The following LHFPL3 variants were observed in gnomAD, a reference collection of about 807,000 sequenced individuals.
The protein encoded by LHFPL3 is LHFPL tetraspan subfamily member 3.
Under a neutral mutation model 19.3 loss-of-function variants are expected in LHFPL3, and 5 were observed. The observed-to-expected ratio is 0.26, with a 90% confidence interval of 0.14 to 0.54. The LOEUF (loss-of-function observed/expected upper bound fraction) is 0.54, where lower values mean the gene tolerates loss of function less well. Among genes scored for constraint, LHFPL3 ranks in the 20% least tolerant of loss-of-function variants. The pLI is 0.94. For synonymous variants in LHFPL3, 133 were observed against 126.2 expected, an observed-to-expected ratio of 1.05 and a Z score of -0.36; for missense variants, 249 against 307.4, an observed-to-expected ratio of 0.81 and a Z score of 1.42.
Position 104,603,066 on chromosome 7 carries a change from T to TTTTCTTTCTTTCTTTC in LHFPL3, c.446-133557_446-133542dup, listed in dbSNP as rs373564018. Among the ~76,000 whole-genome samples, 55 of 108,932 alleles carry TTTTCTTTCTTTCTTTC rather than the reference T, an allele frequency of 5.0e-4. 1 individual carries two copies. The highest frequency in any genetic ancestry group is 1.2e-3 in the African/African-American group (33 of 27,860). The allele number at this position is 108,932 out of a possible 152,430, so 71.5% of individuals were successfully genotyped here. A position where few individuals can be genotyped will look rare whatever the true frequency, so the allele number is the denominator to read the frequency against. On this transcript the variant is annotated intron_variant, in intron 1 of 2. Coordinates refer to ENST00000424859, the MANE Select transcript of LHFPL3 (RefSeq NM_199000.3). The stretch of plus-strand genomic sequence containing the variant: ...AGTTTTCTTTTTTTTCTTTCTTTCT[T>TTTTCTTTCTTTCTTTC]TTTCTTTCTTTCTTTCTTTCTTTCT...
At chr7:104,803,676 C>G (rs539014379) in intron 2 of LHFPL3, 4 of 152,204 alleles carry the variant, frequency 2.6e-5, no homozygotes, top group Non-Finnish European at 4.4e-5. Context: ...GTTCCCTTAC[C>G]CTCCTGAGTA....
chr7:104,831,023 T>C (rs1047240810), intron 2 of LHFPL3, among the ~76,000 whole-genome samples: 1 of 151,896 alleles, frequency 6.6e-6, no homozygotes, highest in Non-Finnish European at 1.5e-5. Flanking sequence ...AACAATGACA[T>C]GGTGACTCTT....
At chr7:104,453,926 G>C (rs1487830490) in intron 1 of LHFPL3, among the ~76,000 whole-genome samples, 1 of 152,164 alleles carries the variant, frequency 6.6e-6, no homozygotes, top group Non-Finnish European at 1.5e-5. Context: ...CAGAGCAGAT[G>C]CCAGCACTGT....
intron 1 of LHFPL3, among the ~76,000 whole-genome samples, chr7:104,537,952 G>A (rs538829716): frequency 1.2e-4 from 18 of 152,206 alleles, no homozygotes; most frequent in African/African-American, 4.1e-4. Flanking sequence ...CCACCTCAAC[G>A]GGCTATACAG....
In LHFPL3 at chr7:104,704,428, A is replaced by C. The variant is rs1240074904; in HGVS notation, c.446-32247A>C. Among the ~76,000 whole-genome samples, 9 of 152,152 alleles carry C rather than the reference A, an allele frequency of 5.9e-5. 1 individual carries two copies. Among genetic ancestry groups the C allele is most frequent in the African/African-American group, 2.2e-4 (9 of 41,492 alleles). On this transcript the variant is annotated intron_variant, in intron 1 of 2. Transcript: ENST00000424859. ...AGTATTCATTCAGTTTTAACCATAC[A>C]TTTTACAGGATTTATTGTTTATGAG... is the stretch of plus-strand genomic sequence containing the variant.
chr7:104,400,141 A>G (rs1297979566), intron 1 of LHFPL3, among the ~76,000 whole-genome samples: 3 of 129,596 alleles, frequency 2.3e-5, no homozygotes. Flanking sequence ...AAAAAAAAAA[A>G]AAAAAAGACT....
chr7:104,390,977 G>A (rs1277920114), intron 1 of LHFPL3, among the ~76,000 whole-genome samples: 1 of 152,208 alleles, frequency 6.6e-6, no homozygotes, highest in Non-Finnish European at 1.5e-5. Context: ...CTGCATAAAT[G>A]TCTTCTTTTG....
intron 2 of LHFPL3, among the ~76,000 whole-genome samples, chr7:104,754,954 A>G (rs1794254666): frequency 6.6e-6 from 1 of 152,164 alleles, no homozygotes; most frequent in African/African-American, 2.4e-5. Context: ...AGTGCGGTTC[A>G]TCTAAGGAGT....
intron 2 of LHFPL3, among the ~76,000 whole-genome samples, chr7:104,776,485 C>G (rs1794638549): frequency 6.6e-6 from 1 of 152,202 alleles, no homozygotes; most frequent in African/African-American, 2.4e-5. Flanking sequence ...ACCAGTGGTT[C>G]TCACATCAGA....
At chr7:104,446,922 G>A (rs963848908) in intron 1 of LHFPL3, among the ~76,000 whole-genome samples, 1 of 152,062 alleles carries the variant, frequency 6.6e-6, no homozygotes, top group African/African-American at 2.4e-5. Flanking sequence ...TTGTTTTTTA[G>A]ATTTTATCAC....
At chr7:104,766,256 G>T (rs1320767439) in intron 2 of LHFPL3, among the ~76,000 whole-genome samples, 1 of 152,140 alleles carries the variant, frequency 6.6e-6, no homozygotes, top group Admixed American at 6.5e-5. Context: ...AAACTAAATC[G>T]TATTGACTTG....
At chr7:104,370,171 A>G (rs1226219048) in intron 1 of LHFPL3, among the ~76,000 whole-genome samples, 1 of 152,158 alleles carries the variant, frequency 6.6e-6, no homozygotes, top group Non-Finnish European at 1.5e-5. Context: ...AAGCTTGGAG[A>G]AGGAACTAAA....
chr7:104,599,186 AG>A (rs1242086729), intron 1 of LHFPL3, among the ~76,000 whole-genome samples: 1 of 152,226 alleles, frequency 6.6e-6, no homozygotes, highest in African/African-American at 2.4e-5. Flanking sequence ...GTTTGAAATT[AG>A]TGGCCTAATC....
rs980733098 is a variant in LHFPL3, at chr7:104,429,855, G to GA, written c.445+100640dup. 1.5e-3 allele frequency among the ~76,000 whole-genome samples: 227 copies of GA among 150,554 alleles called. 1 individual carries two copies. Among genetic ancestry groups the GA allele is most frequent in the African/African-American group, 5.2e-3 (215 of 41,170 alleles). ...AGGTAGACTTTGAAGTCCAAGCCAA[G>GA]AAAAAAAAAGGAGAGTGATATGTGG... On this transcript the variant is annotated intron_variant, in intron 1 of 2. Coordinates refer to ENST00000424859, the MANE Select transcript of LHFPL3 (RefSeq NM_199000.3).
At chr7:104,538,303 G>A (rs1049949184) in intron 1 of LHFPL3, among the ~76,000 whole-genome samples, 6 of 152,124 alleles carry the variant, frequency 3.9e-5, no homozygotes, top group African/African-American at 7.2e-5. Context: ...AAGTCCCGAG[G>A]TGCTAAAAAT....
At chr7:104,880,930 G>C (rs1792039314) in intron 2 of LHFPL3, among the ~76,000 whole-genome samples, 1 of 152,050 alleles carries the variant, frequency 6.6e-6, no homozygotes, top group Admixed American at 6.5e-5. Flanking sequence ...CAGCACTTTG[G>C]GAGGCCAAGG....
chr7:104,574,192 A>G (rs796827823), intron 1 of LHFPL3, among the ~76,000 whole-genome samples: 20 of 152,316 alleles, frequency 1.3e-4, no homozygotes, highest in African/African-American at 4.6e-4. Flanking sequence ...TGTCAATCAG[A>G]GAAAGTCCAA....
rs141132443 is a variant in LHFPL3 at position 104,791,858 on chromosome 7, C to T, written c.682+54947C>T. Among the ~76,000 whole-genome samples, 9 of 152,174 alleles carry T rather than the reference C, an allele frequency of 5.9e-5. No homozygotes were observed. The East Asian group carries it at 7.7e-4, about 13-fold the overall frequency. On this transcript the variant is annotated intron_variant, in intron 2 of 2. Transcript: ENST00000424859. ...TGGCCTGTCAAACTAGGACAACTGC[C>T]GCTGACAGTCAGCATTTAAGAGGTC...
rs139595967 is a variant in LHFPL3, at chr7:104,349,946, C to T, written c.445+20722C>T. ...TTGCGAAGCTAGTTCCTTTTGCCCA[C>T]GATAGTGCCATTTGCTGAGAGCTTT... On this transcript the variant is annotated intron_variant, in intron 1 of 2. Transcript: ENST00000424859. 2.4e-3 allele frequency among the ~76,000 whole-genome samples: 361 copies of T among 152,284 alleles called. 1 individual carries two copies. The highest frequency in any genetic ancestry group is 0.01 in the Admixed American group (156 of 15,290).
Sources: gnomAD v4.1 joint callset for allele counts (sites outside exome capture counted in the v4.1 genomes callset) on GRCh38, gnomAD v4.1.1 for gene constraint, MANE v1.5 for transcripts, NCBI Gene and HGNC (gene_info 2026-07-23, HGNC 2026-07-21) for gene names.